Variants in SYNE2 observed in about 807,000 individuals in gnomAD.
SYNE2 encodes the protein nesprin-2.
Under a neutral mutation model 856.3 loss-of-function variants are expected in SYNE2, and 431 were observed. The observed-to-expected ratio is 0.50, with a 90% CI of 0.47 to 0.55. The LOEUF is 0.55. SYNE2 is among the 20% of genes least tolerant of loss of function. The pLI is 0.00. For synonymous variants in SYNE2, 2,923 were observed against 2,872.3 expected (o/e 1.02, Z -0.56); for missense variants, 8,129 against 8,023.2 (o/e 1.01, Z -0.50).
Position 64,065,644 on chromosome 14 carries a change from TGAA to T in SYNE2, c.10430_10431+1del. 6.2e-7 allele frequency: 1 copy of T among 1,614,100 alleles called. No individual in the cohort carries two copies. Among genetic ancestry groups the T allele is most frequent in the South Asian group, 1.1e-5 (1 of 91,066 alleles). ...TGAAGCAGGAATGGAAATTTGTCAG[TGAA>T]GAAGTGAGTGCTTCATTTTCAACAA... On this transcript the variant is annotated inframe_deletion, in exon 51 of 116. Coordinates refer to ENST00000555002, the MANE Select transcript of SYNE2 (RefSeq NM_182914.3).
chr14:63,779,851 CG>C (rs1472410143), intron 1 of SYNE2, among the ~76,000 whole-genome samples: 2 of 151,668 alleles, frequency 1.3e-5, no homozygotes, highest in African/African-American at 4.8e-5. Flanking sequence ...TGAACTGGGG[CG>C]GGGTGAGCAG....
Position 64,220,463 on chromosome 14 carries a change from C to T in SYNE2, c.19887C>T (p.Tyr6629=), listed in dbSNP as rs754895294. 6.2e-7 allele frequency: 1 copy of T among 1,614,214 alleles called. No individual in the cohort carries two copies. The highest frequency in any genetic ancestry group is 8.5e-7 in the Non-Finnish European group (1 of 1,180,034). ...AGATACTGAAAGCCTTTGACACTTACAAGGCATTAGTGGTCTCTGTCAACG... is the reference window on the plus strand; with the variant it reads ...AGATACTGAAAGCCTTTGACACTTATAAGGCATTAGTGGTCTCTGTCAACG... ...LQEILKAFDT[Y]KALVVSVNVS... Residue 6629 remains tyrosine (Y), a synonymous_variant, in exon 111 of 116, where the codon TAC becomes TAT. Transcript: ENST00000555002.
At chr14:63,948,374 A>G (rs2096070566) in intron 6 of SYNE2, among the ~76,000 whole-genome samples, 1 of 152,116 alleles carries the variant, frequency 6.6e-6, no homozygotes, top group Non-Finnish European at 1.5e-5. Context: ...ATAAAAATAT[A>G]TTGCTTAGGC....
At chr14:64,168,511 T>G (rs529714139) in intron 92 of SYNE2, among the ~76,000 whole-genome samples, 8 of 152,324 alleles carry the variant, frequency 5.3e-5, no homozygotes, top group Admixed American at 6.5e-5. Context: ...TGAGTGGCCT[T>G]AAGTAAGTTA....
intron 32 of SYNE2, among the ~76,000 whole-genome samples, chr14:64,012,362 C>A (rs1436908741): frequency 6.6e-6 from 1 of 152,048 alleles, no homozygotes; most frequent in Non-Finnish European, 1.5e-5. Flanking sequence ...TTGGTTTGTA[C>A]CATTTTAAAT....
Position 64,152,619 on chromosome 14 carries a change from G to T in SYNE2, c.15695G>T (p.Ser5232Ile), listed in dbSNP as rs2098253255. The change falls in exon 85 of 116, where the codon AGT (serine) becomes ATT (isoleucine). Residue 5232 changes from serine to isoleucine, a missense_variant. Coordinates refer to ENST00000555002, the MANE Select transcript of SYNE2 (RefSeq NM_182914.3). ...AAAGCACTAGATGAGTTGAAACAAA[G>T]TTATCTGACTTTGGAGAGTGGGGCA... ...KSKALDELKQ[S>I]YLTLESGAVP... The T allele has an allele frequency of 6.2e-7, 1 of 1,613,992 alleles. No homozygotes were observed.
In SYNE2 at chr14:63,813,562, A is replaced by C. The variant is rs554376717; in HGVS notation, c.-304-38939A>C. On this transcript the variant is annotated intron_variant, in intron 1 of 23. Transcript: ENST00000674003. ...GTAATCCCAACACTTTGGGAGGCCCAGGGGGGTGGATCACGAGGTCAGGAG... is the reference window on the plus strand; with the variant it reads ...GTAATCCCAACACTTTGGGAGGCCCCGGGGGGTGGATCACGAGGTCAGGAG... Among the ~76,000 whole-genome samples, 5 of 152,328 alleles carry C rather than the reference A, an allele frequency of 3.3e-5. No individual in the cohort carries two copies. The East Asian group carries it at 7.7e-4, about 23-fold the overall frequency.
chr14:64,140,852 T>C (rs2098133485), intron 80 of SYNE2, among the ~76,000 whole-genome samples: 1 of 152,036 alleles, frequency 6.6e-6, no homozygotes, highest in African/African-American at 2.4e-5. Flanking sequence ...TGATTATTGG[T>C]CAATGCATTT....
Position 64,024,374 on chromosome 14 carries a change from G to A in SYNE2, c.5755G>A (p.Gly1919Ser), listed in dbSNP as rs1458674414. The change falls in exon 39 of 116, where the codon GGT (glycine) becomes AGT (serine). Residue 1919 changes from glycine (G) to serine (S), a missense_variant. This residue lies in a region of SYNE2 where 2,422 missense variants were observed against 2,357.4 expected (regional missense o/e 1.03). Transcript: ENST00000555002. ...GAAGGAGCTTATCAGTTGGCTCGTG[G>A]GTCAGGAATTCGAATTAGAAAAAAT... Reference protein sequence around the residue: ...HVKELISWLVGQEFELEKMES... With the variant: ...HVKELISWLVSQEFELEKMES... 1 of 1,614,136 alleles carries A rather than the reference G, an allele frequency of 6.2e-7. No individual in the cohort carries two copies. Among genetic ancestry groups the A allele is most frequent in the South Asian group, 1.1e-5 (1 of 91,078 alleles).
chr14:63,768,540 T>C (rs564773453), intron 1 of SYNE2, among the ~76,000 whole-genome samples: 2 of 152,318 alleles, frequency 1.3e-5, no homozygotes, highest in African/African-American at 4.8e-5. Flanking sequence ...AATAAATAGA[T>C]GAAAATGTAT....
chr14:64,079,415 T>C (rs2097500325), intron 55 of SYNE2, among the ~76,000 whole-genome samples: 1 of 152,230 alleles, frequency 6.6e-6, no homozygotes, highest in Non-Finnish European at 1.5e-5. Flanking sequence ...GGAAATGTTT[T>C]AATAATTTGG....
intron 1 of SYNE2, among the ~76,000 whole-genome samples, chr14:63,824,973 A>G (rs1205151907): frequency 6.6e-6 from 1 of 151,648 alleles, no homozygotes; most frequent in Non-Finnish European, 1.5e-5. Context: ...CTCTACTAAA[A>G]ATACAAAAAT....
Position 64,026,542 on chromosome 14 carries a change from G to A in SYNE2, c.6253-37G>A, listed in dbSNP as rs781584084. The A allele has an allele frequency of 2.6e-6, 4 of 1,549,338 alleles. 1 individual carries two copies. In the South Asian group the frequency reaches 3.4e-5, roughly 13 times the overall value. On this transcript the variant is annotated intron_variant, in intron 41 of 115. Transcript: ENST00000555002. ...ATAGCATGTAGTATCTCTAAGTAAT[G>A]CAAATGACATTATAAAATCTCTTTT...
chr14:63,771,542 A>G (rs1478721307), intron 1 of SYNE2, among the ~76,000 whole-genome samples: 5 of 152,216 alleles, frequency 3.3e-5, no homozygotes, highest in Non-Finnish European at 7.3e-5. Flanking sequence ...TTTCTTGGCT[A>G]AAGTGTTCAT....
intron 1 of SYNE2, among the ~76,000 whole-genome samples, chr14:63,770,127 C>T (rs1191838376): frequency 6.6e-6 from 1 of 151,682 alleles, no homozygotes. Flanking sequence ...ATCATGTTGC[C>T]CAGGCTTATG....
At chr14:63,953,196 CT>C (rs796566220) in intron 7 of SYNE2, among the ~76,000 whole-genome samples, 13 of 152,236 alleles carry the variant, frequency 8.5e-5, no homozygotes, top group African/African-American at 2.9e-4. Context: ...TTAGGAAGGA[CT>C]TTTTTTATGG....
chr14:63,880,387 T>A (rs1362281237), intron 1 of SYNE2, among the ~76,000 whole-genome samples: 1 of 152,172 alleles, frequency 6.6e-6, no homozygotes, highest in Non-Finnish European at 1.5e-5. Flanking sequence ...CCACCATGCC[T>A]GGCTGAAGTA....
intron 1 of SYNE2, among the ~76,000 whole-genome samples, chr14:63,880,881 C>T (rs576268635): frequency 1.2e-3 from 181 of 151,326 alleles, no homozygotes; most frequent in Non-Finnish European, 1.9e-3. Context: ...GAGTCTTGCT[C>T]TGTCGCCCAG....
chr14:64,083,052 G>T (rs978236101), intron 57 of SYNE2, among the ~76,000 whole-genome samples: 7 of 152,162 alleles, frequency 4.6e-5, no homozygotes, highest in Non-Finnish European at 1.0e-4. Context: ...AGTGTTTACA[G>T]AATCAGACTT....
Sources: gnomAD v4.1 joint callset for allele counts (sites outside exome capture counted in the v4.1 genomes callset) on GRCh38, gnomAD v4.1.1 for gene constraint, gnomAD v4.1.1 regional missense constraint, MANE v1.5 for transcripts, NCBI Gene and HGNC (gene_info 2026-07-23, HGNC 2026-07-21) for gene names.